The following DIXDC1 variants were observed in gnomAD, a reference collection of about 807,000 sequenced individuals.
DIXDC1 encodes the protein dixin.
A neutral mutation model predicts 103.1 loss-of-function variants in DIXDC1; 64 were observed. That is an observed-to-expected ratio of 0.62 (90% CI 0.51 to 0.76). The LOEUF is 0.76. Ranked by LOEUF, DIXDC1 falls within the 30% of genes least tolerant of loss-of-function variation. The pLI is 0.00. For synonymous variants in DIXDC1, 266 were observed against 298.5 expected, an observed-to-expected ratio of 0.89 and a Z score of 1.12; for missense variants, 759 against 834.2, an observed-to-expected ratio of 0.91 and a Z score of 1.11.
chr11:111,970,661 CAAA>C (rs34958514), intron 3 of DIXDC1, among the ~76,000 whole-genome samples: 9 of 113,094 alleles, frequency 8.0e-5, no homozygotes, highest in African/African-American at 2.3e-4. Context: ...AACTCTATCT[CAAA>C]AAAAAAAAAA....
intron 17 of DIXDC1, among the ~76,000 whole-genome samples, chr11:112,012,941 C>G (rs1285833046): frequency 3.3e-5 from 5 of 152,340 alleles, no homozygotes; most frequent in African/African-American, 7.2e-5. Context: ...TGATTACTCT[C>G]TCTTTGACAT....
At chr11:111,966,224 T>C (rs1859723087) in intron 2 of DIXDC1, among the ~76,000 whole-genome samples, 1 of 112,568 alleles carries the variant, frequency 8.9e-6, no homozygotes, top group Non-Finnish European at 1.7e-5. Context: ...TTTTTTTTTT[T>C]TTCCTTTTTT....
chr11:111,943,345 T>C (rs1966479222), intron 1 of DIXDC1, among the ~76,000 whole-genome samples: 1 of 152,052 alleles, frequency 6.6e-6, no homozygotes, highest in South Asian at 2.1e-4. Context: ...GGTTTCACCA[T>C]GTTGGCCAGG....
At chr11:111,993,036 C>T (rs587632609) in intron 12 of DIXDC1, 32 bp downstream of exon 12, 37 of 1,576,442 alleles carry the variant, frequency 2.3e-5, no homozygotes, top group Middle Eastern at 1.7e-4. Flanking sequence ...GAAATGACTT[C>T]CACTGACTTT....
At chr11:111,962,358 C>T (rs781933467) in intron 1 of DIXDC1, among the ~76,000 whole-genome samples, 11 of 151,990 alleles carry the variant, frequency 7.2e-5, no homozygotes, top group South Asian at 2.1e-4. Context: ...GGCAGGCACC[C>T]GTAGTCCCAG....
intron 17 of DIXDC1, among the ~76,000 whole-genome samples, chr11:112,000,116 C>T (rs1555175828): frequency 2.6e-5 from 4 of 152,008 alleles, no homozygotes; most frequent in Admixed American, 6.5e-5. Context: ...GCCTAGGCTA[C>T]AGAGGGAGAC....
intron 17 of DIXDC1, among the ~76,000 whole-genome samples, chr11:112,000,974 A>G (rs966361340): frequency 6.6e-6 from 1 of 152,158 alleles, no homozygotes; most frequent in East Asian, 1.9e-4. Flanking sequence ...TGAAAACAGG[A>G]GTTCAAAAAA....
intron 17 of DIXDC1, among the ~76,000 whole-genome samples, chr11:112,008,814 G>A (rs1566575230): frequency 6.6e-6 from 1 of 152,204 alleles, no homozygotes; most frequent in African/African-American, 2.4e-5. Flanking sequence ...GCAGTGTGTA[G>A]AGGGAAATTT....
rs587718990 is a variant in DIXDC1 at position 112,003,771 on chromosome 11, C to T, written c.1756+7625C>T. ...CGAGATCATGCCATTGCACTCCAGC[C>T]TGGGAAACAAGAGTGAAGCTCTGTC... On this transcript the variant is annotated intron_variant, in intron 17 of 19. Coordinates refer to ENST00000440460, the MANE Select transcript of DIXDC1 (RefSeq NM_001037954.4). 2.1e-3 allele frequency among the ~76,000 whole-genome samples: 320 copies of T among 151,748 alleles called. 3 individuals are homozygous for T. Among genetic ancestry groups the T allele is most frequent in the African/African-American group, 7.4e-3 (306 of 41,334 alleles).
chr11:111,955,161 C>A (rs1966882302), intron 1 of DIXDC1, among the ~76,000 whole-genome samples: 2 of 151,852 alleles, frequency 1.3e-5, no homozygotes, highest in Admixed American at 6.6e-5. Context: ...CATGGCAAAA[C>A]CCCATCTCTA....
intron 1 of DIXDC1, among the ~76,000 whole-genome samples, chr11:111,964,109 G>T (rs1450827541): frequency 6.6e-6 from 1 of 152,310 alleles, no homozygotes; most frequent in South Asian, 2.1e-4. Flanking sequence ...AGAGCAATTC[G>T]TATGAGTATC....
intron 9 of DIXDC1, 87 bp downstream of exon 9, chr11:111,987,011 G>T (rs1860514914): frequency 3.6e-6 from 4 of 1,107,052 alleles, no homozygotes; most frequent in Admixed American, 2.1e-5. Context: ...AGCACTTTGA[G>T]AGGCCGAGGC....
intron 2 of DIXDC1, among the ~76,000 whole-genome samples, chr11:111,966,489 C>T (rs1186722979): frequency 5.3e-5 from 8 of 149,982 alleles, no homozygotes; most frequent in South Asian, 2.1e-4. Context: ...CTGCAAGCTC[C>T]GCCTCCCGGG....
intron 4 of DIXDC1, 178 bp downstream of exon 4, chr11:111,974,432 GTTTATT>G (rs1196603147): frequency 3.1e-6 from 2 of 639,480 alleles, no homozygotes; most frequent in African/African-American, 3.7e-5. Context: ...CTTCTGAGAT[GTTTATT>G]TTTATTTTGC....
intron 1 of DIXDC1, among the ~76,000 whole-genome samples, chr11:111,956,630 C>T (rs1555170598): frequency 6.6e-6 from 1 of 152,088 alleles, no homozygotes; most frequent in Non-Finnish European, 1.5e-5. Context: ...GTTGGGATTA[C>T]AGGTGCCCAC....
chr11:111,968,376 C>T, intron 2 of DIXDC1, 137 bp from the exon 3 acceptor site: 1 of 920,138 alleles, frequency 1.1e-6, no homozygotes, highest in Non-Finnish European at 1.6e-6. Context: ...ATGACAAACA[C>T]CAGGACTTAA....
In DIXDC1 at chr11:111,995,571, C is replaced by T. The variant is rs782605069; in HGVS notation, c.1689+7C>T. On this transcript the variant is annotated splice_region_variant and intron_variant, in intron 16 of 19. Transcript: ENST00000440460. ...GAAGAAACAAGAAAGAAAGGTAACCCTCTTGCTGTGGTATCTCTCTTAGGC... is the reference window on the plus strand; with the variant it reads ...GAAGAAACAAGAAAGAAAGGTAACCTTCTTGCTGTGGTATCTCTCTTAGGC... The T allele has an allele frequency of 1.9e-6, 3 of 1,613,474 alleles. No individual in the cohort carries two copies. Among genetic ancestry groups the T allele is most frequent in the African/African-American group, 2.7e-5 (2 of 74,908 alleles).
intron 2 of DIXDC1, among the ~76,000 whole-genome samples, chr11:111,968,307 C>A (rs782085847): frequency 5.3e-5 from 8 of 152,084 alleles, no homozygotes; most frequent in Non-Finnish European, 2.9e-5. Flanking sequence ...CTTCACAGAC[C>A]CCTAAGTATA....
chr11:111,929,151 CCT>C (rs1408010745), intron 1 of DIXDC1, among the ~76,000 whole-genome samples: 2 of 152,184 alleles, frequency 1.3e-5, no homozygotes, highest in Non-Finnish European at 2.9e-5. Flanking sequence ...CGCACTCCAG[CCT>C]GGGCGACAGA....
Sources: allele counts gnomAD v4.1 joint callset (sites outside exome capture counted in the v4.1 genomes callset), GRCh38; gene constraint gnomAD v4.1.1; transcripts MANE v1.5; gene names NCBI Gene and HGNC (gene_info 2026-07-23, HGNC 2026-07-21).